The following PDE4B variants were observed in gnomAD, a reference collection of about 807,000 sequenced individuals.
PDE4B encodes phosphodiesterase 4B.
A neutral mutation model predicts 82.2 loss-of-function variants in PDE4B; 20 were observed. The observed-to-expected ratio is 0.24, with a 90% confidence interval of 0.17 to 0.35. The LOEUF (loss-of-function observed/expected upper bound fraction) is 0.35. Among genes scored for constraint, PDE4B ranks in the 10% least tolerant of loss-of-function variants. The pLI, the probability that PDE4B is intolerant of heterozygous loss-of-function variation, is 1.00. For synonymous variants in PDE4B, 320 were observed against 318.9 expected (o/e 1.00, Z -0.04); for missense variants, 655 against 907.2 (o/e 0.72, Z 3.57).
chr1:66,370,150 C>CAAAAAA (rs752920376), intron 16 of PDE4B, among the ~76,000 whole-genome samples: 132 of 28,612 alleles, frequency 4.6e-3, no homozygotes, highest in African/African-American at 7.6e-3. Flanking sequence ...GACTCTATCT[C>CAAAAAA]AAAAAAAAAA....
chr1:66,052,438 T>C (rs898656233), intron 3 of PDE4B, among the ~76,000 whole-genome samples: 2 of 152,148 alleles, frequency 1.3e-5, no homozygotes, highest in Non-Finnish European at 2.9e-5. Flanking sequence ...TCAAACCCAC[T>C]TGTACAGATA....
chr1:66,174,207 T>C (rs899025036), intron 3 of PDE4B, among the ~76,000 whole-genome samples: 1 of 152,210 alleles, frequency 6.6e-6, no homozygotes, highest in African/African-American at 2.4e-5. Flanking sequence ...CAATTAATTA[T>C]AGGTTAACGA....
At chr1:66,278,464 T>A (rs1656053191) in intron 7 of PDE4B, among the ~76,000 whole-genome samples, 1 of 152,212 alleles carries the variant, frequency 6.6e-6, no homozygotes, top group Non-Finnish European at 1.5e-5. Context: ...TTGGGCTATG[T>A]GACTATCTCT....
At chr1:66,330,899 C>A in intron 7 of PDE4B, 2 of 575,264 alleles carry the variant, frequency 3.5e-6, no homozygotes, top group Non-Finnish European at 4.4e-6. Context: ...CTTGTCTGCA[C>A]ATTTTTGAAG....
chr1:65,856,379 A>G (rs145848179), intron 1 of PDE4B, among the ~76,000 whole-genome samples: 2,829 of 151,830 alleles, frequency 0.019, 82 homozygotes, highest in African/African-American at 0.062. Context: ...TCCCCTCCCT[A>G]TGTCCATGTG....
intron 3 of PDE4B, among the ~76,000 whole-genome samples, chr1:66,200,229 T>C (rs1474103243): frequency 6.6e-6 from 1 of 152,214 alleles, no homozygotes; most frequent in Non-Finnish European, 1.5e-5. Flanking sequence ...AGCAGTACCA[T>C]GCTGTTTTGG....
intron 3 of PDE4B, among the ~76,000 whole-genome samples, chr1:65,960,242 C>G (rs922483977): frequency 2.6e-5 from 4 of 151,922 alleles, no homozygotes; most frequent in South Asian, 2.1e-4. Context: ...GAAGTATTTG[C>G]TTTTGTGTGG....
chr1:66,301,550 C>T lies in PDE4B; in HGVS notation c.635-30958C>T, dbSNP rs552075304. Among the ~76,000 whole-genome samples the T allele has an allele frequency of 4.7e-4, 68 of 145,100 alleles. No homozygotes were observed. The East Asian group carries it at 0.014, about 29-fold the overall frequency. ...GGCGAGACCACCAGGCTTCTTACCG[C>T]TAGGACAATGCTTTTTTTTTTTTCT... On this transcript the variant is annotated intron_variant, in intron 7 of 16. Coordinates refer to ENST00000341517, the MANE Select transcript of PDE4B (RefSeq NM_002600.4).
chr1:66,047,784 A>G (rs1343154000), intron 3 of PDE4B, among the ~76,000 whole-genome samples: 1 of 151,950 alleles, frequency 6.6e-6, no homozygotes, highest in African/African-American at 2.4e-5. Flanking sequence ...CTTTTGTGGT[A>G]TAAGTTCAGA....
chr1:66,187,204 G>A (rs1647264209), intron 3 of PDE4B, among the ~76,000 whole-genome samples: 1 of 152,126 alleles, frequency 6.6e-6, no homozygotes, highest in South Asian at 2.1e-4. Flanking sequence ...TGGTGGATAA[G>A]CTTTTTGATG....
rs540870241 is a variant in PDE4B, at chr1:66,330,762, G to A, written c.635-1746G>A. The A allele has an allele frequency of 1.8e-5, 18 of 985,216 alleles. No individual in the cohort carries two copies. In the East Asian group the frequency reaches 4.5e-4, roughly 25 times the overall value. 61.0% of individuals were successfully genotyped at this position (985,216 alleles called of 1,614,324 possible). A position where few individuals can be genotyped will look rare whatever the true frequency, so the allele number is the denominator to read the frequency against. Reference sequence around the variant, plus strand: ...AACAGAGGAGGCAAGGGGTTGTTTCGGACACACTAGAGAGTAAGTCAGAGA... The same window carrying A: ...AACAGAGGAGGCAAGGGGTTGTTTCAGACACACTAGAGAGTAAGTCAGAGA... On this transcript the variant is annotated intron_variant, in intron 7 of 16. Coordinates refer to ENST00000341517, the MANE Select transcript of PDE4B (RefSeq NM_002600.4).
chr1:65,937,966 C>G (rs989825465), intron 3 of PDE4B, among the ~76,000 whole-genome samples: 1 of 152,106 alleles, frequency 6.6e-6, no homozygotes, highest in Non-Finnish European at 1.5e-5. Flanking sequence ...TCCATAAGAA[C>G]CTTGTGAGAT....
At chr1:65,812,874 A>G (rs1002220005) in intron 1 of PDE4B, among the ~76,000 whole-genome samples, 1 of 152,128 alleles carries the variant, frequency 6.6e-6, no homozygotes. Context: ...TAGCTTCTTT[A>G]TTTCTATTTG....
intron 1 of PDE4B, among the ~76,000 whole-genome samples, chr1:65,852,083 T>C (rs1253775295): frequency 6.6e-6 from 1 of 152,152 alleles, no homozygotes; most frequent in East Asian, 1.9e-4. Context: ...TTATGGTATA[T>C]TATCCCTTTT....
At chr1:66,041,845 C>G (rs1654405435) in intron 3 of PDE4B, among the ~76,000 whole-genome samples, 1 of 150,660 alleles carries the variant, frequency 6.6e-6, no homozygotes, top group African/African-American at 2.4e-5. Context: ...CACACACACA[C>G]ACAGAATACC....
intron 3 of PDE4B, among the ~76,000 whole-genome samples, chr1:66,156,356 T>G (rs1300548448): frequency 6.6e-6 from 1 of 152,196 alleles, no homozygotes; most frequent in Non-Finnish European, 1.5e-5. Flanking sequence ...CATAAATATT[T>G]ATAATAGGGA....
intron 3 of PDE4B, among the ~76,000 whole-genome samples, chr1:66,125,685 A>G (rs1354482862): frequency 2.6e-5 from 4 of 152,226 alleles, no homozygotes; most frequent in Non-Finnish European, 4.4e-5. Flanking sequence ...TATTGATGAC[A>G]TTAAGTGAGG....
intron 3 of PDE4B, among the ~76,000 whole-genome samples, chr1:66,092,002 A>G (rs561338630): frequency 1.8e-4 from 28 of 152,192 alleles, no homozygotes; most frequent in African/African-American, 6.7e-4. Context: ...AACATCGGCT[A>G]TTCATCCTTG....
At chr1:65,950,362 C>A (rs934810277) in intron 3 of PDE4B, among the ~76,000 whole-genome samples, 1 of 152,064 alleles carries the variant, frequency 6.6e-6, no homozygotes, top group Non-Finnish European at 1.5e-5. Flanking sequence ...TCATTATCAT[C>A]CAGCTGGAAA....
Sources: allele counts gnomAD v4.1 joint callset (sites outside exome capture counted in the v4.1 genomes callset), GRCh38; gene constraint gnomAD v4.1.1; transcripts MANE v1.5; gene names NCBI Gene and HGNC (gene_info 2026-07-23, HGNC 2026-07-21).